The following DNAH5 variants were observed in gnomAD, a reference collection of about 807,000 sequenced individuals.
The protein encoded by DNAH5 is dynein axonemal heavy chain 5, also known as axonemal beta dynein heavy chain 5.
DNAH5 carries 372 observed loss-of-function variants against 518.2 expected under a neutral mutation model. The ratio of observed to expected loss-of-function variants is 0.72; its 90% CI spans 0.66 to 0.78. DNAH5 has a LOEUF of 0.78. DNAH5 is among the 30% of genes least tolerant of loss of function. The pLI is 0.00. For synonymous variants in DNAH5, 2,039 were observed against 2,025.9 expected (o/e 1.01, Z -0.17); for missense variants, 5,523 against 5,687.0 (o/e 0.97, Z 0.93).
chr5:13,749,821 T>G (rs771693718), intron 65 of DNAH5, among the ~76,000 whole-genome samples: 2 of 152,156 alleles, frequency 1.3e-5, no homozygotes, highest in Non-Finnish European at 2.9e-5. Flanking sequence ...ATGACAATGC[T>G]AAATTTCCTT....
chr5:13,701,308 C>T lies in DNAH5; in HGVS notation c.13467G>A (p.Gln4489=), dbSNP rs140498500. Residue 4489 remains glutamine (Q), a synonymous_variant, in exon 77 of 79, where the codon CAG becomes CAA. Coordinates refer to ENST00000265104, the MANE Select transcript of DNAH5 (RefSeq NM_001369.3). The stretch of plus-strand genomic sequence containing the variant: ...CCTGTCGCATTGCAGTTAAAAATCC[C>T]TGGGGGTTAAAAAAACCCGTCATCC... The part of the protein sequence containing the change: ...CFWMTGFFNP[Q]GFLTAMRQEI... 1,862 of 1,613,950 alleles carry T rather than the reference C, an allele frequency of 1.2e-3. 20 individuals carry two copies. The African/African-American group carries it at 0.022, about 19-fold the overall frequency.
intron 61 of DNAH5, among the ~76,000 whole-genome samples, chr5:13,755,440 A>G (rs921590376): frequency 6.6e-6 from 1 of 152,212 alleles, no homozygotes; most frequent in Non-Finnish European, 1.5e-5. Context: ...TTTCTAAATT[A>G]TCAGTTATGT....
At chr5:13,739,483 C>T (rs1453810724) in intron 65 of DNAH5, among the ~76,000 whole-genome samples, 1 of 152,088 alleles carries the variant, frequency 6.6e-6, no homozygotes, top group Non-Finnish European at 1.5e-5. Context: ...AACTGTGAGT[C>T]AATTAAACCT....
chr5:13,718,795 T>C (rs1391784091), intron 72 of DNAH5, 87 bp downstream of exon 72: 33 of 1,119,112 alleles, frequency 2.9e-5, no homozygotes, highest in Non-Finnish European at 4.4e-5. Flanking sequence ...GCTATAACTG[T>C]ATCCTAGCTA....
chr5:13,758,717 C>G, intron 61 of DNAH5, 129 bp downstream of exon 61: 2 of 1,341,866 alleles, frequency 1.5e-6, no homozygotes, highest in Admixed American at 1.7e-5. Flanking sequence ...CATCAAAGAC[C>G]CTTGGTGTCC....
chr5:13,763,549 A>G (rs1415378012), intron 59 of DNAH5, among the ~76,000 whole-genome samples: 3 of 152,254 alleles, frequency 2.0e-5, no homozygotes, highest in African/African-American at 7.2e-5. Context: ...CATCACAAAA[A>G]GAAGACTGAC....
intron 35 of DNAH5, among the ~76,000 whole-genome samples, chr5:13,838,268 G>GC (rs1370792598): frequency 3.3e-5 from 5 of 152,124 alleles, no homozygotes; most frequent in African/African-American, 1.2e-4. Context: ...CAGCCCCCAG[G>GC]CCACAGACCA....
chr5:13,770,265 A>G (rs1381381684), intron 56 of DNAH5, among the ~76,000 whole-genome samples: 2 of 152,188 alleles, frequency 1.3e-5, no homozygotes, highest in Admixed American at 1.3e-4. Flanking sequence ...GATACTCCTT[A>G]GGCAGTGAAC....
intron 35 of DNAH5, among the ~76,000 whole-genome samples, chr5:13,837,588 C>T (rs982396328): frequency 2.0e-5 from 3 of 149,024 alleles, no homozygotes; most frequent in East Asian, 2.0e-4. Context: ...ATAAGGCCTT[C>T]GGTGGAGACA....
intron 68 of DNAH5, among the ~76,000 whole-genome samples, chr5:13,732,435 C>T (rs898041283): frequency 6.6e-6 from 1 of 152,090 alleles, no homozygotes; most frequent in Admixed American, 6.6e-5. Context: ...GGCGCAATCT[C>T]GGCTCACTGC....
intron 30 of DNAH5, among the ~76,000 whole-genome samples, chr5:13,853,695 A>C (rs1767210580): frequency 1.3e-5 from 2 of 152,038 alleles, no homozygotes; most frequent in African/African-American, 4.8e-5. Context: ...GATGGAACTG[A>C]AAAACACAGC....
chr5:13,700,901 C>T lies in DNAH5; in HGVS notation c.13492-30G>A, dbSNP rs540753141. 55 of 1,603,500 alleles carry T rather than the reference C, an allele frequency of 3.4e-5. 1 individual carries two copies. Among genetic ancestry groups the T allele is most frequent in the Middle Eastern group, 1.7e-4 (1 of 6,060 alleles). On this transcript the variant is annotated intron_variant, in intron 77 of 78. Coordinates refer to ENST00000265104, the MANE Select transcript of DNAH5 (RefSeq NM_001369.3). Reference sequence around the variant, plus strand: ...TCAGGGCAGCAAAAGATGAATGGAGCGGTTAGAGGTTTGTCTTAATAGAAA... The same window carrying T: ...TCAGGGCAGCAAAAGATGAATGGAGTGGTTAGAGGTTTGTCTTAATAGAAA...
intron 75 of DNAH5, among the ~76,000 whole-genome samples, chr5:13,711,546 A>G (rs1184609335): frequency 6.6e-6 from 1 of 152,134 alleles, no homozygotes; most frequent in Non-Finnish European, 1.5e-5. Context: ...ATAAATAAAG[A>G]GCATCCAAAT....
chr5:13,777,560 T>C (rs1475396327), intron 53 of DNAH5, among the ~76,000 whole-genome samples: 1 of 152,188 alleles, frequency 6.6e-6, no homozygotes, highest in Non-Finnish European at 1.5e-5. Context: ...TGTTTCTACA[T>C]AAAAAACTAT....
intron 78 of DNAH5, among the ~76,000 whole-genome samples, chr5:13,698,005 G>A (rs559609990): frequency 1.3e-5 from 2 of 152,298 alleles, no homozygotes; most frequent in South Asian, 2.1e-4. Context: ...TCAAAAGGGT[G>A]AATCCCTTAT....
intron 31 of DNAH5, among the ~76,000 whole-genome samples, chr5:13,845,674 T>C (rs941019044): frequency 1.3e-5 from 2 of 152,312 alleles, no homozygotes; most frequent in Admixed American, 6.5e-5. Flanking sequence ...TTCTTAACTA[T>C]AGCTCTCTAT....
chr5:13,797,939 C>A (rs1266297867), intron 47 of DNAH5, among the ~76,000 whole-genome samples: 2 of 150,750 alleles, frequency 1.3e-5, no homozygotes, highest in Non-Finnish European at 2.9e-5. Context: ...CCATTCTCAG[C>A]AAACTATCAC....
At position 13,885,012 on chromosome 5, in the gene DNAH5, G is replaced by A; in HGVS notation, c.2960C>T (p.Ser987Phe). ...TLEAIRKRIHSSHTINFRDSN... is the reference protein window; with the variant it reads ...TLEAIRKRIHFSHTINFRDSN... ...ACCCCGGAAGTTAATTGTGTGAGAG[G>A]AATGAATACGTTTGCGAATGGCCTC... The change falls in exon 19 of 79, where the codon TCC (serine) becomes TTC (phenylalanine). Residue 987 changes from serine to phenylalanine, a missense_variant. By Grantham distance (155) the Ser-to-Phe change is radical (BLOSUM62 -2). Transcript: ENST00000265104. The A allele has an allele frequency of 6.2e-7, 1 of 1,614,180 alleles. No individual in the cohort carries two copies. The highest frequency in any genetic ancestry group is 1.7e-5 in the Admixed American group (1 of 60,034).
intron 75 of DNAH5, among the ~76,000 whole-genome samples, chr5:13,711,624 G>C (rs1743486483): frequency 6.6e-6 from 1 of 152,104 alleles, no homozygotes; most frequent in Non-Finnish European, 1.5e-5. Context: ...AAACCCTAAA[G>C]ACTCCTCCAG....
Sources: allele counts gnomAD v4.1 joint callset (sites outside exome capture counted in the v4.1 genomes callset), GRCh38; gene constraint gnomAD v4.1.1; transcripts MANE v1.5; gene names NCBI Gene and HGNC (gene_info 2026-07-23, HGNC 2026-07-21).